PDCD1LG2: variants seen among roughly 807,000 people sequenced by gnomAD.
The protein encoded by PDCD1LG2 is B7 dendritic cell molecule.
PDCD1LG2 carries 32 observed loss-of-function variants against 28.2 expected under a neutral mutation model. The ratio of observed to expected loss-of-function variants is 1.13; its 90% CI spans 0.86 to 1.52. PDCD1LG2 has a LOEUF of 1.52. Among genes scored for constraint, PDCD1LG2 ranks in the 40% most tolerant of loss-of-function variants. PDCD1LG2 has a pLI of 0.00. For missense variants in PDCD1LG2, 385 were observed against 323.8 expected, an observed-to-expected ratio of 1.19 and a Z score of -1.45; for synonymous variants, 116 against 120.2, an observed-to-expected ratio of 0.97 and a Z score of 0.23.
intron 2 of PDCD1LG2, among the ~76,000 whole-genome samples, chr9:5,528,019 G>A (rs1162100180): frequency 2.0e-5 from 3 of 151,618 alleles, no homozygotes; most frequent in Middle Eastern, 3.4e-3. Flanking sequence ...TAATAGAGAC[G>A]GGGTTTTGCC....
intron 1 of PDCD1LG2, among the ~76,000 whole-genome samples, chr9:5,514,331 T>A (rs73641632): frequency 0.012 from 1,834 of 152,310 alleles, 42 homozygotes; most frequent in African/African-American, 0.042. Flanking sequence ...TTATTTGTAT[T>A]TCATCTATCA....
intron 3 of PDCD1LG2, among the ~76,000 whole-genome samples, chr9:5,539,063 T>A (rs1019660106): frequency 1.3e-5 from 2 of 152,216 alleles, no homozygotes; most frequent in East Asian, 3.8e-4. Flanking sequence ...ATGTTGTATA[T>A]AAAAGATAAC....
intron 3 of PDCD1LG2, among the ~76,000 whole-genome samples, chr9:5,548,565 G>A (rs968954307): frequency 1.3e-5 from 2 of 152,112 alleles, no homozygotes; most frequent in Non-Finnish European, 2.9e-5. Context: ...AGTTTTTTGA[G>A]GACCTCTATA....
At chr9:5,538,354 G>A (rs146075463) in intron 3 of PDCD1LG2, among the ~76,000 whole-genome samples, 2,058 of 151,354 alleles carry the variant, frequency 0.014, 18 homozygotes, top group Non-Finnish European at 0.021. Flanking sequence ...TTTTTTTCTT[G>A]TGGAAACTAT....
chr9:5,554,460 A>T (rs1304953949), intron 4 of PDCD1LG2, among the ~76,000 whole-genome samples: 2 of 152,180 alleles, frequency 1.3e-5, no homozygotes, highest in African/African-American at 2.4e-5. Context: ...CTTTCTACTC[A>T]TTCTCATAAA....
intron 3 of PDCD1LG2, among the ~76,000 whole-genome samples, chr9:5,537,095 G>A (rs1456220173): frequency 6.6e-6 from 1 of 152,194 alleles, no homozygotes; most frequent in African/African-American, 2.4e-5. Flanking sequence ...CAACAAAATT[G>A]AAGGAGGCCC....
Position 5,570,291 on chromosome 9 carries a change from C to T in PDCD1LG2, c.*332C>T, listed in dbSNP as rs955419496. The stretch of plus-strand genomic sequence containing the variant: ...CTGAAAGCAAAAGGAATTATTTCCC[C>T]TCAAGTTTTCTAAGTGATTTCCAAA... On this transcript the variant is annotated 3_prime_UTR_variant, in exon 7 of 7. Coordinates refer to ENST00000397747, the MANE Select transcript of PDCD1LG2 (RefSeq NM_025239.4). 3.4e-6 allele frequency: 1 copy of T among 296,690 alleles called. No individual in the cohort carries two copies. The highest frequency in any genetic ancestry group is 4.7e-5 in the Admixed American group (1 of 21,394). The allele number at this position is 296,690 out of a possible 1,614,324, so 18.4% of individuals were successfully genotyped here. A position where few individuals can be genotyped will look rare whatever the true frequency, so the allele number is the denominator to read the frequency against.
chr9:5,511,871 CA>C (rs1355249033), intron 1 of PDCD1LG2, among the ~76,000 whole-genome samples: 9 of 152,176 alleles, frequency 5.9e-5, no homozygotes, highest in Non-Finnish European at 1.2e-4. Flanking sequence ...TCCTCACAGG[CA>C]AGAAGCACAC....
In PDCD1LG2 at chr9:5,557,619, T is replaced by C. The variant is rs2129920684; in HGVS notation, c.633T>C (p.Ser211=). 1 of 1,613,984 alleles carries C rather than the reference T, an allele frequency of 6.2e-7. No homozygotes were observed. Among genetic ancestry groups the C allele is most frequent in the Non-Finnish European group, 8.5e-7 (1 of 1,179,894 alleles). The change falls in exon 5 of 7, where the codon AGT becomes AGC. Residue 211 remains serine, a splice_region_variant and synonymous_variant. Coordinates refer to ENST00000397747, the MANE Select transcript of PDCD1LG2 (RefSeq NM_025239.4). The part of the protein sequence containing the change: ...ELTLASIDLQ[S]QMEPRTHPTW... Reference sequence around the variant, plus strand: ...TTCTGGTGCTTTTCCTTTGCCCAGGTCAGATGGAACCCAGGACCCATCCAA... The same window carrying C: ...TTCTGGTGCTTTTCCTTTGCCCAGGCCAGATGGAACCCAGGACCCATCCAA...
At chr9:5,565,615 G>C (rs193207519) in intron 6 of PDCD1LG2, among the ~76,000 whole-genome samples, 95 of 152,278 alleles carry the variant, frequency 6.2e-4, no homozygotes, top group South Asian at 3.5e-3. Context: ...TTTTCTGGCT[G>C]CTTCTATGTG....
At chr9:5,542,314 G>C (rs891969552) in intron 3 of PDCD1LG2, among the ~76,000 whole-genome samples, 4 of 151,926 alleles carry the variant, frequency 2.6e-5, no homozygotes, top group African/African-American at 9.7e-5. Flanking sequence ...ATGCAACAAA[G>C]ACAAAGGTAA....
chr9:5,513,265 A>G (rs1384551134), intron 1 of PDCD1LG2, among the ~76,000 whole-genome samples: 1 of 152,170 alleles, frequency 6.6e-6, no homozygotes, highest in Non-Finnish European at 1.5e-5. Flanking sequence ...CACCTCTGAG[A>G]CTGCTTCTGA....
At chr9:5,518,852 A>G (rs546448665) in intron 1 of PDCD1LG2, among the ~76,000 whole-genome samples, 1 of 152,334 alleles carries the variant, frequency 6.6e-6, no homozygotes, top group South Asian at 2.1e-4. Context: ...AGGATCATCC[A>G]TGACCTCCAT....
rs1816760863 is a variant in PDCD1LG2, at chr9:5,571,172, A to C, written c.*1213A>C. The C allele has an allele frequency of 4.3e-6, 1 of 232,844 alleles. No homozygotes were observed. Among genetic ancestry groups the C allele is most frequent in the African/African-American group, 2.2e-5 (1 of 45,330 alleles). The allele number at this position is 232,844 out of a possible 1,614,324, so 14.4% of individuals were successfully genotyped here. A position where few individuals can be genotyped will look rare whatever the true frequency, so the allele number is the denominator to read the frequency against. On this transcript the variant is annotated 3_prime_UTR_variant, in exon 7 of 7. Transcript: ENST00000397747. Reference sequence around the variant, plus strand: ...GAAAGGGTGTGAAATTGACTAACAGACAAATCATACATCTCAGTTTCTCAA... The same window carrying C: ...GAAAGGGTGTGAAATTGACTAACAGCCAAATCATACATCTCAGTTTCTCAA...
chr9:5,568,616 C>G (rs1563836236), intron 6 of PDCD1LG2, among the ~76,000 whole-genome samples: 1 of 152,176 alleles, frequency 6.6e-6, no homozygotes, highest in Non-Finnish European at 1.5e-5. Flanking sequence ...TTTGGAAAAT[C>G]ATGTAGCTCT....
Position 5,557,695 on chromosome 9 carries a change from A to G in PDCD1LG2, c.709A>G (p.Ile237Val), listed in dbSNP as rs749889119. ...IPFCIIAFIF[I>V]ATVIALRKQL... is the part of the protein sequence containing the mutation. ...CTTCTGCATCATTGCTTTCATTTTCATAGCCACAGTGATAGCCCTAAGAAA... is the reference window on the plus strand; with the variant it reads ...CTTCTGCATCATTGCTTTCATTTTCGTAGCCACAGTGATAGCCCTAAGAAA... The change falls in exon 5 of 7, where the codon ATA becomes GTA. Residue 237 changes from isoleucine to valine, a missense_variant. Physicochemically the swap from Ile to Val is conservative, Grantham distance 29. Coordinates refer to ENST00000397747, the MANE Select transcript of PDCD1LG2 (RefSeq NM_025239.4). 1.9e-6 allele frequency: 3 copies of G among 1,613,828 alleles called. No individual in the cohort carries two copies. Among genetic ancestry groups the G allele is most frequent in the South Asian group, 1.1e-5 (1 of 91,080 alleles).
intron 1 of PDCD1LG2, among the ~76,000 whole-genome samples, chr9:5,511,619 T>C (rs971590788): frequency 3.9e-5 from 6 of 152,192 alleles, no homozygotes; most frequent in South Asian, 2.1e-4. Flanking sequence ...TGAGCAGTAA[T>C]GAGACAGTTG....
chr9:5,564,619 C>G (rs1261682917), intron 6 of PDCD1LG2, among the ~76,000 whole-genome samples: 1 of 152,178 alleles, frequency 6.6e-6, no homozygotes, highest in Non-Finnish European at 1.5e-5. Flanking sequence ...TCTAATCCCC[C>G]CAAACACTGT....
intron 4 of PDCD1LG2, 124 bp downstream of exon 4, chr9:5,549,728 G>A: frequency 2.5e-6 from 3 of 1,207,906 alleles, no homozygotes; most frequent in Non-Finnish European, 3.5e-6. Context: ...ATCACCATTT[G>A]GAGAAACTAC....
Sources: gnomAD v4.1 joint callset for allele counts (sites outside exome capture counted in the v4.1 genomes callset) on GRCh38, gnomAD v4.1.1 for gene constraint, MANE v1.5 for transcripts, NCBI Gene and HGNC (gene_info 2026-07-23, HGNC 2026-07-21) for gene names.